The following LIME1 variants were observed in gnomAD, a reference collection of about 807,000 sequenced individuals.
LIME1 encodes lck-interacting transmembrane adapter 1.
Under a neutral mutation model 18.8 loss-of-function variants are expected in LIME1, and 23 were observed. The ratio of observed to expected loss-of-function variants is 1.22; its 90% CI spans 0.88 to 1.73. The LOEUF (loss-of-function observed/expected upper bound fraction) is 1.73. LIME1 is among the 40% of genes most tolerant of loss of function. LIME1 has a pLI of 0.00. For missense variants in LIME1, 423 were observed against 396.8 expected, an observed-to-expected ratio of 1.07 and a Z score of -0.56; for synonymous variants, 177 against 182.3, an observed-to-expected ratio of 0.97 and a Z score of 0.23.
At position 63,738,889 on chromosome 20, in the gene LIME1, TC is replaced by T; in HGVS notation, c.880del (p.Leu294CysfsTer26). 1 of 1,601,684 alleles carries T rather than the reference TC, an allele frequency of 6.2e-7. No individual in the cohort carries two copies. Among genetic ancestry groups the T allele is most frequent in the Non-Finnish European group, 8.5e-7 (1 of 1,174,778 alleles). ...GAGGGGCTGGAGACCCCTCCCTGCC[TC>T]CCTGCCCTGAACACTCAAGGACCTG... The part of the protein sequence containing the change: ...LGRGWRPLPA[S>X]LP On this transcript the variant is annotated frameshift_variant, in exon 6 of 6. Transcript: ENST00000309546. LOFTEE classifies it high-confidence loss of function.
chr20:63,737,812 A>AACCCCCCCC lies in LIME1; in HGVS notation c.99-9_99-8insACCCCCCCC. 1 of 1,301,924 alleles carries AACCCCCCCC rather than the reference A, an allele frequency of 7.7e-7. No individual in the cohort carries two copies. Among genetic ancestry groups the AACCCCCCCC allele is most frequent in the Non-Finnish European group, 1.0e-6 (1 of 977,600 alleles). 80.6% of individuals were successfully genotyped at this position (1,301,924 alleles called of 1,614,324 possible). ...ACCCCGCCCCCCGCCCCCCACCTCTACCCCCAAGGCCCGAGGACGCTGTAG... is the reference window on the plus strand; with the variant it reads ...ACCCCGCCCCCCGCCCCCCACCTCTAACCCCCCCCCCCCCAAGGCCCGAGGACGCTGTAG... On this transcript the variant is annotated splice_polypyrimidine_tract_variant and intron_variant, in intron 2 of 5. Coordinates refer to ENST00000309546, the MANE Select transcript of LIME1 (RefSeq NM_017806.4).
chr20:63,738,161 T>A, intron 4 of LIME1, 22 bp from the exon 5 acceptor site: 1 of 1,549,056 alleles, frequency 6.5e-7, no homozygotes. Flanking sequence ...CGGAGTGAAC[T>A]CTGCCCTGAC....
chr20:63,737,462 C>T, intron 1 of LIME1, 71 bp from the exon 2 acceptor site: 5 of 1,399,032 alleles, frequency 3.6e-6, no homozygotes, highest in Non-Finnish European at 3.7e-6. Context: ...GCGGGAGGTG[C>T]AGATTTGGGG....
chr20:63,739,053 G>C lies in LIME1; in HGVS notation c.*153G>C. The C allele has an allele frequency of 1.5e-6, 1 of 664,968 alleles. No homozygotes were observed. Among genetic ancestry groups the C allele is most frequent in the Admixed American group, 3.2e-5 (1 of 31,504 alleles). The allele number at this position is 664,968 out of a possible 1,614,324, so 41.2% of individuals were successfully genotyped here. ...GCTCTGACAGCCGCGGCCTCCCCGG[G>C]CTCCAGAGAAGGCCCGCGTCTAAAT... On this transcript the variant is annotated 3_prime_UTR_variant, in exon 6 of 6. Transcript: ENST00000309546.
intron 1 of LIME1, chr20:63,737,209 C>T (rs2092000501): frequency 1.9e-6 from 2 of 1,080,802 alleles, no homozygotes; most frequent in African/African-American, 1.7e-5. Flanking sequence ...CCAGGGGCTC[C>T]CCCGATGCTG....
chr20:63,736,212 C>CGGGCT, upstream of LIME1: 1 of 385,614 alleles, frequency 2.6e-6, no homozygotes, highest in Non-Finnish European at 4.7e-6. Context: ...TGGTGAGAGA[C>CGGGCT]GGGCTGGGCT....
At position 63,738,017 on chromosome 20, in the gene LIME1, C is replaced by G; in HGVS notation, c.225C>G (p.Asp75Glu). ...ACCTCTGCTCCCTCAGCAAGTCGGA[C>G]ACCAGACTGCACGAGCTGCACCGGG... ...RTHLCSLSKS[D>E]TRLHELHRGP... Residue 75 changes from aspartate (D) to glutamate (E), a missense_variant, in exon 4 of 6, where the codon GAC (aspartate) becomes GAG (glutamate). Asp to Glu is a conservative substitution (Grantham distance 45). Transcript: ENST00000309546. 1 of 1,566,226 alleles carries G rather than the reference C, an allele frequency of 6.4e-7. No homozygotes were observed. Among genetic ancestry groups the G allele is most frequent in the Non-Finnish European group, 8.6e-7 (1 of 1,160,314 alleles).
intron 1 of LIME1, 66 bp from the exon 2 acceptor site, chr20:63,737,467 T>C: frequency 4.3e-6 from 6 of 1,402,348 alleles, no homozygotes; most frequent in South Asian, 1.6e-5. Context: ...AGGTGCAGAT[T>C]TGGGGCTGCC....
chr20:63,738,902 C>G lies in LIME1; in HGVS notation c.*2C>G. ...CCCCTCCCTGCCTCCCTGCCCTGAACACTCAAGGACCTGTGCTCCTTCCTC... is the reference window on the plus strand; with the variant it reads ...CCCCTCCCTGCCTCCCTGCCCTGAAGACTCAAGGACCTGTGCTCCTTCCTC... On this transcript the variant is annotated 3_prime_UTR_variant, in exon 6 of 6. Transcript: ENST00000309546. 6.3e-7 allele frequency: 1 copy of G among 1,588,682 alleles called. No homozygotes were observed. The highest frequency in any genetic ancestry group is 8.6e-7 in the Non-Finnish European group (1 of 1,168,098).
At position 63,737,812 on chromosome 20, in the gene LIME1, A is replaced by AC; in HGVS notation, c.99-4dup. 7.7e-7 allele frequency: 1 copy of AC among 1,301,920 alleles called. No homozygotes were observed. Among genetic ancestry groups the AC allele is most frequent in the South Asian group, 1.5e-5 (1 of 68,288 alleles). 80.6% of individuals were successfully genotyped at this position (1,301,920 alleles called of 1,614,324 possible). A position where few individuals can be genotyped will look rare whatever the true frequency, so the allele number is the denominator to read the frequency against. On this transcript the variant is annotated splice_polypyrimidine_tract_variant and intron_variant, in intron 2 of 5. Coordinates refer to ENST00000309546, the MANE Select transcript of LIME1 (RefSeq NM_017806.4). ...ACCCCGCCCCCCGCCCCCCACCTCT[A>AC]CCCCCAAGGCCCGAGGACGCTGTAG...
Position 63,738,318 on chromosome 20 carries a change from C to G in LIME1, c.404C>G (p.Thr135Ser). The change falls in exon 5 of 6, where the codon ACC (threonine) becomes AGC (serine). Residue 135 changes from threonine (T) to serine (S), a missense_variant. Physicochemically the swap from Thr to Ser is moderately conservative, Grantham distance 58. Transcript: ENST00000309546. ...LPRALPAAAA[T>S]AGCAGLEATY... ...CGGGCTCTGCCGGCAGCTGCAGCCA[C>G]CGCAGGGTGCGCTGGCCTCGAGGCC... The G allele has an allele frequency of 6.4e-7, 1 of 1,561,994 alleles. No homozygotes were observed. The highest frequency in any genetic ancestry group is 8.6e-7 in the Non-Finnish European group (1 of 1,157,062).
intron 1 of LIME1, 50 bp from the exon 2 acceptor site, chr20:63,737,483 G>C (rs2092003854): frequency 2.8e-6 from 4 of 1,407,518 alleles, no homozygotes; most frequent in South Asian, 3.2e-5. Flanking sequence ...CTGCCAGGTG[G>C]CGCCAGGTCC....
rs919052584 is a variant in LIME1, at chr20:63,739,103, G to C, written c.*203G>C. 1.2e-4 allele frequency: 61 copies of C among 520,002 alleles called. No homozygotes were observed. The highest frequency in any genetic ancestry group is 1.9e-4 in the Non-Finnish European group (57 of 298,858). 32.2% of individuals were successfully genotyped at this position (520,002 alleles called of 1,614,324 possible). A position where few individuals can be genotyped will look rare whatever the true frequency, so the allele number is the denominator to read the frequency against. On this transcript the variant is annotated 3_prime_UTR_variant, in exon 6 of 6. Coordinates refer to ENST00000309546, the MANE Select transcript of LIME1 (RefSeq NM_017806.4). ...TAAAGCGCCAGCGCAGGATGAAAGC[G>C]GCCAGCCTCGCAGCCTGCTCTTCTT...
At chr20:63,736,903 C>G (rs966834115) in intron 1 of LIME1, 191 bp downstream of exon 1, 2 of 985,748 alleles carry the variant, frequency 2.0e-6, no homozygotes, top group Non-Finnish European at 2.4e-6. Context: ...ATCCCCCACC[C>G]CGAGAAGTTC....
chr20:63,736,104 C>T, upstream of LIME1: 1 of 808,102 alleles, frequency 1.2e-6, no homozygotes, highest in South Asian at 1.8e-5. Flanking sequence ...TTGGGCATTT[C>T]CTTGGCAAGG....
chr20:63,737,787 A>AGGC, intron 2 of LIME1, 34 bp from the exon 3 acceptor site: 147 of 1,322,104 alleles, frequency 1.1e-4, no homozygotes, highest in Non-Finnish European at 1.3e-4. Context: ...GAGGCTGACG[A>AGGC]CCCCGCCCCC....
At chr20:63,735,769 GC>G (rs767375905), upstream of LIME1, 159 of 1,587,662 alleles carry the variant, frequency 1.0e-4, no homozygotes, top group Non-Finnish European at 1.3e-4. Context: ...TGACTAGTGA[GC>G]CCCTCCGCAG....
chr20:63,737,807 CCTCTA>C lies in LIME1; in HGVS notation c.99-12_99-8del. 1 of 1,380,516 alleles carries C rather than the reference CCTCTA, an allele frequency of 7.2e-7. No individual in the cohort carries two copies. The allele number at this position is 1,380,516 out of a possible 1,614,324, so 85.5% of individuals were successfully genotyped here. A position where few individuals can be genotyped will look rare whatever the true frequency, so the allele number is the denominator to read the frequency against. On this transcript the variant is annotated splice_polypyrimidine_tract_variant and intron_variant, in intron 2 of 5. Coordinates refer to ENST00000309546, the MANE Select transcript of LIME1 (RefSeq NM_017806.4). Reference sequence around the variant, plus strand: ...TGACGACCCCGCCCCCCGCCCCCCACCTCTACCCCCAAGGCCCGAGGACGCTGTAG... The same window carrying C: ...TGACGACCCCGCCCCCCGCCCCCCACCCCCCAAGGCCCGAGGACGCTGTAG...
chr20:63,735,754 C>CA (rs2091982622), upstream of LIME1: 1 of 1,572,912 alleles, frequency 6.4e-7, no homozygotes, highest in Non-Finnish European at 8.6e-7. Flanking sequence ...CCCAGGACCC[C>CA]ACGCTGACTA....
Sources: gnomAD v4.1 joint callset for allele counts on GRCh38, gnomAD v4.1.1 for gene constraint, MANE v1.5 for transcripts, NCBI Gene and HGNC (gene_info 2026-07-23, HGNC 2026-07-21) for gene names.